The following PAK1 variants were observed in gnomAD, a reference collection of about 807,000 sequenced individuals.
The protein encoded by PAK1 is p21 (RAC1) activated kinase 1.
Under a neutral mutation model 67.4 loss-of-function variants are expected in PAK1, and 29 were observed. The ratio of observed to expected loss-of-function variants is 0.43; its 90% CI spans 0.32 to 0.59. PAK1 has a LOEUF of 0.59. PAK1 is among the 20% of genes least tolerant of loss of function. The probability of loss-of-function intolerance (pLI) is 0.07; values close to 1 mark genes in which losing one functional copy is unlikely to be tolerated. For missense variants in PAK1, 337 were observed against 670.7 expected, an observed-to-expected ratio of 0.50 and a Z score of 5.50; for synonymous variants, 223 against 237.4, an observed-to-expected ratio of 0.94 and a Z score of 0.56.
At chr11:77,400,392 G>A (rs1952514668) in intron 1 of PAK1, among the ~76,000 whole-genome samples, 1 of 152,102 alleles carries the variant, frequency 6.6e-6, no homozygotes, top group African/African-American at 2.4e-5. Context: ...TGCAATAAAT[G>A]CCCCATGTTA....
chr11:77,437,491 C>T (rs71469557), intron 1 of PAK1, among the ~76,000 whole-genome samples: 1,586 of 152,266 alleles, frequency 0.01, 8 homozygotes, highest in Non-Finnish European at 0.015. Context: ...GCTGTCCCCA[C>T]AATTCACATG....
chr11:77,385,965 CA>C (rs1950401186), intron 2 of PAK1, among the ~76,000 whole-genome samples: 1 of 152,160 alleles, frequency 6.6e-6, no homozygotes, highest in Non-Finnish European at 1.5e-5. Context: ...TTTCTCAGCC[CA>C]TTCATTAAGA....
chr11:77,458,247 T>C (rs1957166373), intron 1 of PAK1, among the ~76,000 whole-genome samples: 1 of 152,208 alleles, frequency 6.6e-6, no homozygotes, highest in African/African-American at 2.4e-5. Flanking sequence ...TAAAACTTGT[T>C]ATATTGCCCA....
At chr11:77,381,178 G>GTGTGTGTGTGTGTGTGT (rs869219760) in intron 2 of PAK1, among the ~76,000 whole-genome samples, 5 of 107,498 alleles carry the variant, frequency 4.7e-5, no homozygotes, top group African/African-American at 1.4e-4. Context: ...TGTGTGTGTA[G>GTGTGTGTGTGTGTGTGT]AGAGAGAGAG....
rs377489252 is a variant in PAK1, at chr11:77,392,530, C to A, written c.-10G>T. 9.5e-6 allele frequency: 15 copies of A among 1,581,038 alleles called. No homozygotes were observed. Among genetic ancestry groups the A allele is most frequent in the Non-Finnish European group, 1.3e-5 (15 of 1,158,526 alleles). On this transcript the variant is annotated 5_prime_UTR_variant, in exon 2 of 15. Coordinates refer to ENST00000356341, the MANE Select transcript of PAK1 (RefSeq NM_002576.5). ...GGCCGTTATTTGACATTGTCACCAC[C>A]AGCAGCAGCTACTAGAATCAGAAAT...
the PAK1 span, among the ~76,000 whole-genome samples, chr11:77,509,143 A>G: frequency 2.0e-5 from 3 of 151,714 alleles, no homozygotes; most frequent in Non-Finnish European, 4.4e-5. Flanking sequence ...CTGTAGTCCC[A>G]GCTACTCGGG....
the PAK1 span, among the ~76,000 whole-genome samples, chr11:77,529,620 A>C: frequency 6.6e-6 from 1 of 152,206 alleles, no homozygotes; most frequent in Non-Finnish European, 1.5e-5. Flanking sequence ...AATCACCTAC[A>C]TGTAACAGAG....
At chr11:77,404,587 G>A (rs1448787922) in intron 1 of PAK1, among the ~76,000 whole-genome samples, 1 of 152,094 alleles carries the variant, frequency 6.6e-6, no homozygotes, top group Non-Finnish European at 1.5e-5. Flanking sequence ...CTTTCAATGA[G>A]AAAATAGAAA....
Position 77,358,945 on chromosome 11 carries a change from C to T in PAK1, c.550G>A (p.Ala184Thr). Residue 184 changes from alanine (A) to threonine (T), a missense_variant, in exon 6 of 15, where the codon GCT becomes ACT. By Grantham distance (58) the Ala-to-Thr change is moderately conservative. Transcript: ENST00000356341. ...SEDEDDDDDD[A>T]TPPPVIAPRP... ...GGAGCAATCACTGGTGGTGGGGTAGCATCATCATCATCATCATCCTCATCT... is the reference window on the plus strand; with the variant it reads ...GGAGCAATCACTGGTGGTGGGGTAGTATCATCATCATCATCATCCTCATCT... 1 of 1,588,410 alleles carries T rather than the reference C, an allele frequency of 6.3e-7. No individual in the cohort carries two copies. Among genetic ancestry groups the T allele is most frequent in the Non-Finnish European group, 8.6e-7 (1 of 1,159,464 alleles).
intron 1 of PAK1, among the ~76,000 whole-genome samples, chr11:77,451,598 T>C (rs1044485434): frequency 7.5e-6 from 1 of 132,952 alleles, no homozygotes; most frequent in Non-Finnish European, 1.5e-5. Context: ...ATGTCTTTTG[T>C]TTTTTTTTGT....
intron 14 of PAK1, among the ~76,000 whole-genome samples, chr11:77,327,751 A>G (rs1456431137): frequency 6.6e-6 from 1 of 152,212 alleles, no homozygotes; most frequent in African/African-American, 2.4e-5. Context: ...ACCAGCTAAC[A>G]TCATAATGAC....
the PAK1 span, among the ~76,000 whole-genome samples, chr11:77,485,088 C>T: frequency 6.6e-6 from 1 of 152,178 alleles, no homozygotes; most frequent in African/African-American, 2.4e-5. Context: ...CCACTGGGTC[C>T]TTCCCACATC....
intron 1 of PAK1, among the ~76,000 whole-genome samples, chr11:77,469,182 T>C (rs1957736438): frequency 1.3e-5 from 2 of 152,208 alleles, no homozygotes; most frequent in South Asian, 4.1e-4. Flanking sequence ...ACATAGCTGC[T>C]GGAGTCAGGT....
chr11:77,398,764 C>G (rs1347463566), intron 1 of PAK1, among the ~76,000 whole-genome samples: 1 of 152,112 alleles, frequency 6.6e-6, no homozygotes, highest in East Asian at 1.9e-4. Flanking sequence ...TTTGTTTAAT[C>G]AGACCTCATC....
chr11:77,390,181 T>G (rs1950947721), intron 2 of PAK1, among the ~76,000 whole-genome samples: 1 of 152,210 alleles, frequency 6.6e-6, no homozygotes, highest in Non-Finnish European at 1.5e-5. Flanking sequence ...TTAAGCACCT[T>G]ACCCATATCT....
chr11:77,372,641 A>G (rs1012319090), intron 5 of PAK1, among the ~76,000 whole-genome samples: 4 of 152,158 alleles, frequency 2.6e-5, no homozygotes, highest in African/African-American at 7.2e-5. Context: ...CACCTTTAAG[A>G]TAAGTCAAAC....
chr11:77,510,161 A>G, the PAK1 span, among the ~76,000 whole-genome samples: 1 of 152,204 alleles, frequency 6.6e-6, no homozygotes. Flanking sequence ...TATTTTCACC[A>G]GTAGCATTTT....
At chr11:77,429,462 C>T (rs1206800820) in intron 1 of PAK1, among the ~76,000 whole-genome samples, 2 of 152,142 alleles carry the variant, frequency 1.3e-5, no homozygotes, top group Non-Finnish European at 2.9e-5. Context: ...GTAGACACCA[C>T]CTTAAGCAAG....
chr11:77,396,113 C>T (rs995318912), intron 1 of PAK1, among the ~76,000 whole-genome samples: 1 of 152,234 alleles, frequency 6.6e-6, no homozygotes, highest in Non-Finnish European at 1.5e-5. Flanking sequence ...ACCAACCTTC[C>T]TGATACAGGC....
Sources: gnomAD v4.1 joint callset for allele counts (sites outside exome capture counted in the v4.1 genomes callset) on GRCh38, gnomAD v4.1.1 for gene constraint, MANE v1.5 for transcripts, NCBI Gene and HGNC (gene_info 2026-07-23, HGNC 2026-07-21) for gene names.